PKD1: variants seen among roughly 807,000 people sequenced by gnomAD.
The protein encoded by PKD1 is polycystin 1, transient receptor potential channel interacting, also known as polycystin-1.
PKD1 carries 81 observed loss-of-function variants against 361.7 expected under a neutral mutation model. That is an observed-to-expected ratio of 0.22 (90% CI 0.19 to 0.27). The LOEUF (loss-of-function observed/expected upper bound fraction) is 0.27, where lower values mean the gene tolerates loss of function less well. Ranked by LOEUF, PKD1 falls within the 10% of genes least tolerant of loss-of-function variation. The pLI is 1.00. For missense variants in PKD1, 6,399 were observed against 6,118.3 expected (o/e 1.05, Z -1.53); for synonymous variants, 3,615 against 2,818.3 (o/e 1.28, Z -8.95).
Position 2,091,032 on chromosome 16 carries a change from C to A in PKD1, c.11855G>T (p.Arg3952Leu). ...VALTAATALV[R>L]LAQLGAADRQ... ...GTCAGCGGCACCCAGCTGGGCGAGG[C>A]GTACCAGTGCCGTGGCCGCCGTCAG... Residue 3952 changes from arginine (R) to leucine (L), a missense_variant, in exon 43 of 46, where the codon CGC (arginine) becomes CTC (leucine). By Grantham distance (102) the Arg-to-Leu change is moderately radical (BLOSUM62 -2). Transcript: ENST00000262304. 1.3e-6 allele frequency: 2 copies of A among 1,530,392 alleles called. No homozygotes were observed. The highest frequency in any genetic ancestry group is 1.7e-6 in the Non-Finnish European group (2 of 1,143,938). The allele number at this position is 1,530,392 out of a possible 1,614,324, so 94.8% of individuals were successfully genotyped here. A position where few individuals can be genotyped will look rare whatever the true frequency, so the allele number is the denominator to read the frequency against.
chr16:2,099,906 C>T lies in PKD1; in HGVS notation c.9878G>A (p.Gly3293Asp). Residue 3293 changes from glycine (G) to aspartate (D), a missense_variant, in exon 29 of 46, where the codon GGC becomes GAC. Transcript: ENST00000262304. ...CCVLLICLFL[G>D]ANAVWYGAVG... ...AGCCCCGTACCACACGGCGTTGGCG[C>T]CCAGGAAGAGGCAGATGAGGAGAAC... 3 of 1,567,826 alleles carry T rather than the reference C, an allele frequency of 1.9e-6. No individual in the cohort carries two copies. Among genetic ancestry groups the T allele is most frequent in the Non-Finnish European group, 2.6e-6 (3 of 1,157,890 alleles).
In PKD1 at chr16:2,089,679, A is replaced by G. The variant is rs1464656598; in HGVS notation, c.*48T>C. 6.5e-7 allele frequency: 1 copy of G among 1,546,794 alleles called. No individual in the cohort carries two copies. The highest frequency in any genetic ancestry group is 8.7e-7 in the Non-Finnish European group (1 of 1,145,046). On this transcript the variant is annotated 3_prime_UTR_variant, in exon 46 of 46. Transcript: ENST00000262304. ...TTGACAGCGGCAGAAAGTAATACTG[A>G]GCGGTGTCCACTCCGACTCCACGGC...
At chr16:2,096,601 C>A (rs2091858780) in intron 34 of PKD1, among the ~76,000 whole-genome samples, 1 of 152,128 alleles carries the variant, frequency 6.6e-6, no homozygotes, top group South Asian at 2.1e-4. Context: ...CTACAACCTT[C>A]ACCTACCAGG....
intron 34 of PKD1, chr16:2,095,489 G>A (rs918884362): frequency 2.0e-5 from 3 of 152,270 alleles, no homozygotes; most frequent in South Asian, 2.1e-4. Flanking sequence ...GTCTGACTCA[G>A]GGAGCAGGCT....
rs774898000 is a variant in PKD1, at chr16:2,109,013, T to C, written c.6154A>G (p.Thr2052Ala). 3 of 1,610,284 alleles carry C rather than the reference T, an allele frequency of 1.9e-6. No homozygotes were observed. The highest frequency in any genetic ancestry group is 1.3e-5 in the African/African-American group (1 of 74,876). The part of the protein sequence containing the change: ...AFNALGSENR[T>A]LVLEVQDAVQ... ...GCGTCCTGAACCTCCAGCACCAGCG[T>C]GCGGTTCTCACTGCCCAGGGCGTTG... Residue 2052 changes from threonine to alanine, a missense_variant, in exon 15 of 46, where the codon ACG (threonine) becomes GCG (alanine). Transcript: ENST00000262304.
At chr16:2,099,561 G>C in intron 30 of PKD1, 83 bp downstream of exon 30, 1 of 1,343,318 alleles carries the variant, frequency 7.4e-7, no homozygotes. Context: ...TCTGGCTGCA[G>C]CACTGGAAAG....
rs1596573797 is a variant in PKD1, at chr16:2,113,991, C to T, written c.2853+179G>A. 3.3e-5 allele frequency: 20 copies of T among 613,554 alleles called. 1 individual carries two copies. The highest frequency in any genetic ancestry group is 2.0e-4 in the African/African-American group (11 of 54,210). The allele number at this position is 613,554 out of a possible 1,614,324, so 38.0% of individuals were successfully genotyped here. A position where few individuals can be genotyped will look rare whatever the true frequency, so the allele number is the denominator to read the frequency against. ...AGCCACTGTCAGAGCCGTGACTTTC[C>T]AGGAATTTAAAGCCCACCAGGTAGC... On this transcript the variant is annotated intron_variant, in intron 11 of 45. Transcript: ENST00000262304.
chr16:2,130,262 G>C (rs202071938), intron 1 of PKD1, among the ~76,000 whole-genome samples: 7 of 152,144 alleles, frequency 4.6e-5, no homozygotes, highest in East Asian at 1.9e-4. Context: ...GCCTCCGCTC[G>C]GCTGCCAGGG....
At position 2,106,705 on chromosome 16, in the gene PKD1, C is replaced by G. The variant is rs748713546; in HGVS notation, c.7210-28G>C. 6.3e-7 allele frequency: 1 copy of G among 1,574,844 alleles called. No individual in the cohort carries two copies. The highest frequency in any genetic ancestry group is 1.7e-5 in the Admixed American group (1 of 58,726). ...GCAGGCAGAAGGGGTGGTGAGGGGGCGCAACCCTCTGCCCTGTCAGCCCCA... is the reference window on the plus strand; with the variant it reads ...GCAGGCAGAAGGGGTGGTGAGGGGGGGCAACCCTCTGCCCTGTCAGCCCCA... On this transcript the variant is annotated intron_variant, in intron 17 of 45. Coordinates refer to ENST00000262304, the MANE Select transcript of PKD1 (RefSeq NM_001009944.3). The surrounding 1 kb of genome is among the most constrained non-coding windows in gnomAD (Gnocchi z 6.5).
rs762658392 is a variant in PKD1 at position 2,112,805 on chromosome 16, G to A, written c.3144C>T (p.Ala1048=). The A allele has an allele frequency of 5.6e-6, 9 of 1,597,928 alleles. No homozygotes were observed. In the East Asian group the frequency reaches 6.7e-5, roughly 12 times the overall value. ...TCACTCACAGGAAGGCCACCTCCACGGCCGAGTCCACCAGCACGCCCGCCG... is the reference window on the plus strand; with the variant it reads ...TCACTCACAGGAAGGCCACCTCCACAGCCGAGTCCACCAGCACGCCCGCCG... ...ALTAGVLVDS[A]VEVAFLWTFG... is the part of the protein sequence containing the mutation. Residue 1048 remains alanine, a synonymous_variant, in exon 13 of 46, where the codon GCC becomes GCT. Transcript: ENST00000262304.
chr16:2,114,502 T>C lies in PKD1; in HGVS notation c.2521A>G (p.Asn841Asp). Residue 841 changes from asparagine (N) to aspartate (D), a missense_variant, in exon 11 of 46, where the codon AAC becomes GAC. Coordinates refer to ENST00000262304, the MANE Select transcript of PKD1 (RefSeq NM_001009944.3). ...ACCTGGAGCACCAAGGCTGAGCCGT[T>C]GGTGGGCACGTAGAGGCGGCCGTCG... ...PRDGRLYVPT[N>D]GSALVLQVDS... 6.3e-7 allele frequency: 1 copy of C among 1,596,180 alleles called. No individual in the cohort carries two copies. The highest frequency in any genetic ancestry group is 1.1e-5 in the South Asian group (1 of 90,914).
At chr16:2,097,023 G>A in intron 34 of PKD1, 125 bp downstream of exon 34, 1 of 696,772 alleles carries the variant, frequency 1.4e-6, no homozygotes. Flanking sequence ...GAAGTGAAGT[G>A]GTGCAGCCAC....
In PKD1 at chr16:2,110,373, A is replaced by G. The variant is rs1241566734; in HGVS notation, c.4794T>C (p.Ser1598=). ...CTPIPGGPTI[S]YTFRSVGTFN... ...AGGTGCCCACGGAGCGGAAGGTGTA[A>G]GAGATGGTAGGACCCCCAGGGATGG... Residue 1598 remains serine (S), a synonymous_variant, in exon 15 of 46, where the codon TCT becomes TCC. Transcript: ENST00000262304. 1 of 1,612,484 alleles carries G rather than the reference A, an allele frequency of 6.2e-7. No homozygotes were observed. Among genetic ancestry groups the G allele is most frequent in the Non-Finnish European group, 8.5e-7 (1 of 1,179,844 alleles).
intron 42 of PKD1, 121 bp downstream of exon 42, chr16:2,091,302 G>T (rs555178975): frequency 7.1e-6 from 3 of 420,098 alleles, no homozygotes; most frequent in African/African-American, 2.4e-5. Flanking sequence ...CCCTGCGAGG[G>T]GGCGGGACGC....
rs758383845 is a variant in PKD1, at chr16:2,089,318, C to T, written c.*409G>A. 45 of 277,302 alleles carry T rather than the reference C, an allele frequency of 1.6e-4. No homozygotes were observed. In the East Asian group the frequency reaches 2.2e-3, roughly 14 times the overall value. 17.2% of individuals were successfully genotyped at this position (277,302 alleles called of 1,614,324 possible). A position where few individuals can be genotyped will look rare whatever the true frequency, so the allele number is the denominator to read the frequency against. On this transcript the variant is annotated 3_prime_UTR_variant, in exon 46 of 46. Coordinates refer to ENST00000262304, the MANE Select transcript of PKD1 (RefSeq NM_001009944.3). ...ACACAGTGAGACGGTGCAGGGAGTACGGTAGGAACTGGAGAGGTAATAACT... is the reference window on the plus strand; with the variant it reads ...ACACAGTGAGACGGTGCAGGGAGTATGGTAGGAACTGGAGAGGTAATAACT...
In PKD1 at chr16:2,091,605, G is replaced by A. The variant is rs1180613135; in HGVS notation, c.11538-8C>T. ...AGGAACACAGCGCGGCTCCTGCGCA[G>A]AGGGTGCGGGTCAGTAGGAGCGGGT... On this transcript the variant is annotated splice_polypyrimidine_tract_variant and splice_region_variant and intron_variant, in intron 41 of 45. Transcript: ENST00000262304. 1.9e-6 allele frequency: 3 copies of A among 1,560,190 alleles called. No individual in the cohort carries two copies. Among genetic ancestry groups the A allele is most frequent in the Admixed American group, 3.7e-5 (2 of 54,606 alleles).
chr16:2,102,679 T>A, intron 24 of PKD1, 46 bp from the exon 25 acceptor site: 1 of 1,610,322 alleles, frequency 6.2e-7, no homozygotes, highest in Non-Finnish European at 8.5e-7. Flanking sequence ...CTCCGCCAGG[T>A]TGGATGTCGC....
intron 42 of PKD1, 106 bp downstream of exon 42, chr16:2,091,317 A>T: frequency 3.9e-6 from 1 of 256,784 alleles, no homozygotes; most frequent in Non-Finnish European, 4.5e-6. Flanking sequence ...GGACGCTGCG[A>T]GGGGGCGGGG....
At position 2,100,160 on chromosome 16, in the gene PKD1, C is replaced by G. The variant is rs763696533; in HGVS notation, c.9712+6G>C. The G allele has an allele frequency of 1.9e-6, 3 of 1,607,302 alleles. No homozygotes were observed. The highest frequency in any genetic ancestry group is 2.2e-5 in the South Asian group (2 of 90,938). ...CACGGAGTGGGAACATGGAACGAGG[C>G]CTTACTCGCGGCCAGCACCTCCTTC... is the stretch of plus-strand genomic sequence containing the variant. On this transcript the variant is annotated splice_donor_region_variant and intron_variant, in intron 28 of 45. Transcript: ENST00000262304. This position sits in a 1 kb window ranked among gnomAD's most constrained non-coding sequence, Gnocchi z 4.4.
Sources: allele counts gnomAD v4.1 joint callset (sites outside exome capture counted in the v4.1 genomes callset), GRCh38; gene constraint gnomAD v4.1.1; non-coding constraint Gnocchi (gnomAD v3.1); transcripts MANE v1.5; gene names NCBI Gene and HGNC (gene_info 2026-07-23, HGNC 2026-07-21).